SCHIP1: variants seen among roughly 807,000 people sequenced by gnomAD.
SCHIP1 encodes the protein schwannomin-interacting protein 1.
Under a neutral mutation model 29.7 loss-of-function variants are expected in SCHIP1, and 8 were observed. That is an observed-to-expected ratio of 0.27 (90% CI 0.16 to 0.49). SCHIP1 has a LOEUF of 0.49. Ranked by LOEUF, SCHIP1 falls within the 20% of genes least tolerant of loss-of-function variation. The probability of loss-of-function intolerance (pLI) is 0.99; values close to 1 mark genes in which losing one functional copy is unlikely to be tolerated. For synonymous variants in SCHIP1, 76 were observed against 94.9 expected (o/e 0.80, Z 1.16); for missense variants, 193 against 294.6 (o/e 0.66, Z 2.52).
the SCHIP1 span, among the ~76,000 whole-genome samples, chr3:159,334,263 G>T: frequency 6.6e-6 from 1 of 152,122 alleles, no homozygotes; most frequent in South Asian, 2.1e-4. Flanking sequence ...AGTTGATTTT[G>T]CATGTCAACT....
chr3:159,349,071 T>G, the SCHIP1 span, among the ~76,000 whole-genome samples: 1 of 152,210 alleles, frequency 6.6e-6, no homozygotes, highest in African/African-American at 2.4e-5. Context: ...AGAATTGGGA[T>G]ATTATAGAGC....
chr3:159,451,162 T>C, the SCHIP1 span, among the ~76,000 whole-genome samples: 2 of 152,202 alleles, frequency 1.3e-5, no homozygotes, highest in Non-Finnish European at 2.9e-5. Context: ...ACTAATTCAC[T>C]GTAATAAGCT....
At chr3:159,829,898 T>G in the SCHIP1 span, among the ~76,000 whole-genome samples, 1 of 152,226 alleles carries the variant, frequency 6.6e-6, no homozygotes, top group Non-Finnish European at 1.5e-5. Flanking sequence ...TGTTATAGAT[T>G]AATGACCTAT....
chr3:159,721,235 G>A, the SCHIP1 span, among the ~76,000 whole-genome samples: 1 of 152,136 alleles, frequency 6.6e-6, no homozygotes, highest in Non-Finnish European at 1.5e-5. Context: ...GCTTCCTTCT[G>A]ACCAAGAACA....
the SCHIP1 span, among the ~76,000 whole-genome samples, chr3:159,810,336 C>T: frequency 6.6e-6 from 1 of 152,334 alleles, no homozygotes; most frequent in Non-Finnish European, 1.5e-5. Context: ...TGAGCCACCA[C>T]GCCCGGCCTC....
the SCHIP1 span, among the ~76,000 whole-genome samples, chr3:159,594,691 A>G: frequency 6.6e-6 from 1 of 152,184 alleles, no homozygotes; most frequent in African/African-American, 2.4e-5. Flanking sequence ...AGACAAGCCT[A>G]TTGTTTCTAT....
the SCHIP1 span, among the ~76,000 whole-genome samples, chr3:159,741,843 C>T: frequency 1.3e-5 from 2 of 152,124 alleles, no homozygotes; most frequent in Middle Eastern, 3.2e-3. Context: ...GGTGCAGTGT[C>T]AGAACTTTTG....
the SCHIP1 span, among the ~76,000 whole-genome samples, chr3:159,476,289 G>C: frequency 6.6e-6 from 1 of 152,106 alleles, no homozygotes. Context: ...ATGATATATA[G>C]TATGCCATTG....
the SCHIP1 span, among the ~76,000 whole-genome samples, chr3:159,763,312 C>G: frequency 6.6e-6 from 1 of 152,022 alleles, no homozygotes; most frequent in Non-Finnish European, 1.5e-5. Context: ...GAGGGAGGTC[C>G]TTCACAGGGT....
the SCHIP1 span, among the ~76,000 whole-genome samples, chr3:159,695,128 G>A: frequency 6.6e-6 from 1 of 152,186 alleles, no homozygotes; most frequent in Non-Finnish European, 1.5e-5. Flanking sequence ...TGCCTACCAT[G>A]TGCAGGGGGC....
chr3:159,696,488 G>A, the SCHIP1 span, among the ~76,000 whole-genome samples: 5 of 152,240 alleles, frequency 3.3e-5, no homozygotes, highest in African/African-American at 4.8e-5. Flanking sequence ...CCCTTCATTT[G>A]GGTTCCATAG....
At chr3:159,325,030 G>A in the SCHIP1 span, among the ~76,000 whole-genome samples, 1 of 151,986 alleles carries the variant, frequency 6.6e-6, no homozygotes, top group African/African-American at 2.4e-5. Context: ...TTATAACTGA[G>A]ACCAAATAGT....
chr3:159,710,634 C>T, the SCHIP1 span, among the ~76,000 whole-genome samples: 2 of 152,184 alleles, frequency 1.3e-5, no homozygotes, highest in East Asian at 1.9e-4. Flanking sequence ...TGTACTAAGA[C>T]ATCATATTTT....
At chr3:159,717,162 A>G in the SCHIP1 span, among the ~76,000 whole-genome samples, 849 of 152,330 alleles carry the variant, frequency 5.6e-3, 10 homozygotes, top group African/African-American at 0.02. Flanking sequence ...AGGCAGAAAT[A>G]AAGATGTTCT....
At chr3:159,442,835 C>G in the SCHIP1 span, among the ~76,000 whole-genome samples, 2 of 152,170 alleles carry the variant, frequency 1.3e-5, no homozygotes, top group Non-Finnish European at 2.9e-5. Context: ...AAGAACAGCA[C>G]TCCATTGCTG....
At chr3:159,854,894 C>T (rs909132853) in intron 1 of SCHIP1, among the ~76,000 whole-genome samples, 34 of 152,176 alleles carry the variant, frequency 2.2e-4, no homozygotes, top group African/African-American at 7.7e-4. Context: ...ACCCAGATGC[C>T]TGGAATAAGT....
chr3:159,389,467 A>C, the SCHIP1 span, among the ~76,000 whole-genome samples: 1 of 152,064 alleles, frequency 6.6e-6, no homozygotes, highest in African/African-American at 2.4e-5. Flanking sequence ...TTTGGAGGAC[A>C]ATTTGGCTGC....
chr3:159,430,995 A>C, the SCHIP1 span, among the ~76,000 whole-genome samples: 1 of 152,186 alleles, frequency 6.6e-6, no homozygotes, highest in African/African-American at 2.4e-5. Context: ...AACATGTCCA[A>C]GGAAGGAAAT....
chr3:159,463,959 G>C, the SCHIP1 span, among the ~76,000 whole-genome samples: 1 of 152,012 alleles, frequency 6.6e-6, no homozygotes, highest in Non-Finnish European at 1.5e-5. Context: ...CATTTAACCA[G>C]TCCCCCATGG....
Sources: allele counts gnomAD v4.1 joint callset (sites outside exome capture counted in the v4.1 genomes callset), GRCh38; gene constraint gnomAD v4.1.1; transcripts MANE v1.5; gene names NCBI Gene and HGNC (gene_info 2026-07-23, HGNC 2026-07-21).